Variants in ZNF804A observed in about 807,000 individuals in gnomAD.
ZNF804A encodes zinc finger protein 804A.
ZNF804A carries 2 observed loss-of-function variants against 16.5 expected under a neutral mutation model. The observed-to-expected ratio is 0.12, with a 90% confidence interval of 0.05 to 0.38. ZNF804A has a LOEUF of 0.38. ZNF804A is among the 10% of genes least tolerant of loss of function. The pLI, the probability that ZNF804A is intolerant of heterozygous loss-of-function variation, is 0.99. For synonymous variants in ZNF804A, 534 were observed against 489.6 expected, an observed-to-expected ratio of 1.09 and a Z score of -1.20; for missense variants, 1,473 against 1,390.7, an observed-to-expected ratio of 1.06 and a Z score of -0.94.
intron 1 of ZNF804A, among the ~76,000 whole-genome samples, chr2:184,771,801 A>G (rs1019667099): frequency 2.0e-5 from 3 of 152,010 alleles, no homozygotes; most frequent in African/African-American, 7.2e-5. Context: ...TTGCTTTATC[A>G]AGGCCACTAG....
At chr2:184,609,248 G>T (rs532862981) in intron 1 of ZNF804A, among the ~76,000 whole-genome samples, 4 of 152,254 alleles carry the variant, frequency 2.6e-5, no homozygotes, top group African/African-American at 9.6e-5. Flanking sequence ...TGGAGTGGTG[G>T]AGGGAAACAG....
At chr2:184,933,196 A>C (rs1465369673) in intron 2 of ZNF804A, among the ~76,000 whole-genome samples, 1 of 151,982 alleles carries the variant, frequency 6.6e-6, no homozygotes, top group African/African-American at 2.4e-5. Context: ...TTTCTAATAT[A>C]CTGTACATCA....
intron 1 of ZNF804A, among the ~76,000 whole-genome samples, chr2:184,699,102 T>A (rs879314220): frequency 1.3e-5 from 2 of 152,032 alleles, no homozygotes; most frequent in African/African-American, 4.8e-5. Context: ...AAAGCAGGAA[T>A]GGATAATGAT....
intron 1 of ZNF804A, among the ~76,000 whole-genome samples, chr2:184,830,704 T>C (rs752180815): frequency 1.3e-5 from 2 of 152,234 alleles, no homozygotes; most frequent in Admixed American, 6.6e-5. Flanking sequence ...TGAGATACCT[T>C]GCAGTATCTA....
chr2:184,653,022 C>T (rs114833277), intron 1 of ZNF804A, among the ~76,000 whole-genome samples: 257 of 151,972 alleles, frequency 1.7e-3, no homozygotes, highest in African/African-American at 5.6e-3. Flanking sequence ...CTCAGCCCTT[C>T]GGAACTGTGA....
At position 184,933,811 on chromosome 2, in the gene ZNF804A, C is replaced by T. The variant is rs754763474; in HGVS notation, c.386+78C>T. ...TATAGGGGGAGTCAGAAATAAAGGG[C>T]ACAAATCTATTTATTACTGTACCCA... is the stretch of plus-strand genomic sequence containing the variant. On this transcript the variant is annotated intron_variant, in intron 3 of 3. Transcript: ENST00000302277. 31 of 1,414,204 alleles carry T rather than the reference C, an allele frequency of 2.2e-5. No homozygotes were observed. The Middle Eastern group carries it at 5.4e-4, about 24-fold the overall frequency. 87.6% of individuals were successfully genotyped at this position (1,414,204 alleles called of 1,614,324 possible). A position where few individuals can be genotyped will look rare whatever the true frequency, so the allele number is the denominator to read the frequency against.
At chr2:184,770,802 C>T (rs1445803764) in intron 1 of ZNF804A, among the ~76,000 whole-genome samples, 1 of 152,046 alleles carries the variant, frequency 6.6e-6, no homozygotes. Flanking sequence ...TTTTTGTACC[C>T]TCCTGGCATG....
chr2:184,742,952 C>G (rs1008820553), intron 1 of ZNF804A, among the ~76,000 whole-genome samples: 1 of 151,764 alleles, frequency 6.6e-6, no homozygotes. Context: ...CTCATGGAGT[C>G]GACTTTACTC....
intron 1 of ZNF804A, among the ~76,000 whole-genome samples, chr2:184,606,860 C>T (rs1050469887): frequency 6.6e-6 from 1 of 150,908 alleles, no homozygotes; most frequent in Non-Finnish European, 1.5e-5. Flanking sequence ...CACACATACA[C>T]ACACACACAC....
intron 1 of ZNF804A, among the ~76,000 whole-genome samples, chr2:184,750,952 T>TTATTTCA (rs1379398295): frequency 6.6e-6 from 1 of 151,424 alleles, no homozygotes; most frequent in Non-Finnish European, 1.5e-5. Flanking sequence ...TATATCTGGC[T>TTATTTCA]TATTTCACTT....
chr2:184,612,941 G>T (rs778347798), intron 1 of ZNF804A, among the ~76,000 whole-genome samples: 1 of 152,180 alleles, frequency 6.6e-6, no homozygotes, highest in African/African-American at 2.4e-5. Flanking sequence ...TTGTGCAACA[G>T]CTAGCATTAT....
intron 1 of ZNF804A, among the ~76,000 whole-genome samples, chr2:184,852,671 T>G (rs1193697255): frequency 6.6e-6 from 1 of 151,746 alleles, no homozygotes; most frequent in Non-Finnish European, 1.5e-5. Context: ...CATGTGGATA[T>G]TTAGTTGTCC....
chr2:184,911,885 G>C (rs1029196842), intron 2 of ZNF804A, among the ~76,000 whole-genome samples: 1 of 150,124 alleles, frequency 6.7e-6, no homozygotes, highest in Admixed American at 6.7e-5. Flanking sequence ...TTTTCCCTTT[G>C]AAAATTTTGT....
chr2:184,817,289 G>C (rs1694998152), intron 1 of ZNF804A, among the ~76,000 whole-genome samples: 1 of 151,766 alleles, frequency 6.6e-6, no homozygotes, highest in Non-Finnish European at 1.5e-5. Flanking sequence ...TGATCCCCCA[G>C]CAAACTACAG....
At position 184,680,332 on chromosome 2, in the gene ZNF804A, C is replaced by T. The variant is rs536044403; in HGVS notation, c.111+81262C>T. 2.0e-5 allele frequency among the ~76,000 whole-genome samples: 3 copies of T among 152,214 alleles called. No homozygotes were observed. In the South Asian group the frequency reaches 6.2e-4, roughly 32 times the overall value. On this transcript the variant is annotated intron_variant, in intron 1 of 3. Coordinates refer to ENST00000302277, the MANE Select transcript of ZNF804A (RefSeq NM_194250.2). ...AGGAGCTACCCACTGTGGGTCTCCT[C>T]TCTGCTGAGAACTGAACAGATGTCG... is the stretch of plus-strand genomic sequence containing the variant.
chr2:184,818,621 T>C (rs1695021957), intron 1 of ZNF804A, among the ~76,000 whole-genome samples: 1 of 151,872 alleles, frequency 6.6e-6, no homozygotes, highest in African/African-American at 2.4e-5. Context: ...GCAAGCTGGA[T>C]AGAGTCATGG....
chr2:184,933,825 T>G, intron 3 of ZNF804A, 92 bp downstream of exon 3: 2 of 1,303,672 alleles, frequency 1.5e-6, no homozygotes, highest in East Asian at 2.7e-5. Context: ...AATCTATTTA[T>G]TACTGTACCC....
chr2:184,657,945 C>T (rs1318745395), intron 1 of ZNF804A, among the ~76,000 whole-genome samples: 1 of 152,190 alleles, frequency 6.6e-6, no homozygotes, highest in Non-Finnish European at 1.5e-5. Context: ...AGGGAGTAGT[C>T]ACTAGAAAAA....
At chr2:184,688,259 TCTC>T (rs1230281520) in intron 1 of ZNF804A, among the ~76,000 whole-genome samples, 1 of 152,112 alleles carries the variant, frequency 6.6e-6, no homozygotes, top group East Asian at 1.9e-4. Context: ...AGTTCATTCT[TCTC>T]TGCTTAGGAT....
Sources: gnomAD v4.1 joint callset for allele counts (sites outside exome capture counted in the v4.1 genomes callset) on GRCh38, gnomAD v4.1.1 for gene constraint, MANE v1.5 for transcripts, NCBI Gene and HGNC (gene_info 2026-07-23, HGNC 2026-07-21) for gene names.